The following FSTL5 variants were observed in gnomAD, a reference collection of about 807,000 sequenced individuals.
FSTL5 encodes the protein follistatin-related protein 5.
FSTL5 carries 62 observed loss-of-function variants against 89.1 expected under a neutral mutation model. That is an observed-to-expected ratio of 0.70 (90% CI 0.57 to 0.86). The LOEUF is 0.86. Among genes scored for constraint, FSTL5 ranks in the 40% least tolerant of loss-of-function variants. The pLI is 0.00. For synonymous variants in FSTL5, 383 were observed against 346.2 expected (o/e 1.11, Z -1.18); for missense variants, 1,057 against 1,001.6 (o/e 1.06, Z -0.75).
chr4:161,671,168 T>G (rs909072485), intron 6 of FSTL5, among the ~76,000 whole-genome samples: 1 of 152,222 alleles, frequency 6.6e-6, no homozygotes, highest in Non-Finnish European at 1.5e-5. Flanking sequence ...AGCTCCTTTT[T>G]TTACATTGTG....
intron 15 of FSTL5, among the ~76,000 whole-genome samples, chr4:161,443,867 A>G (rs1177975986): frequency 6.6e-6 from 1 of 151,996 alleles, no homozygotes; most frequent in Non-Finnish European, 1.5e-5. Flanking sequence ...TGGCTGGACC[A>G]TAAGATGTGT....
At chr4:162,142,443 G>A (rs1732786631) in intron 1 of FSTL5, among the ~76,000 whole-genome samples, 1 of 151,976 alleles carries the variant, frequency 6.6e-6, no homozygotes, top group Non-Finnish European at 1.5e-5. Context: ...TATATAGAGA[G>A]AAATTTGAGA....
intron 3 of FSTL5, among the ~76,000 whole-genome samples, chr4:162,014,812 T>C (rs1736868597): frequency 6.6e-6 from 1 of 152,176 alleles, no homozygotes; most frequent in Non-Finnish European, 1.5e-5. Context: ...AACTGCTATC[T>C]TTTTACATAG....
intron 6 of FSTL5, among the ~76,000 whole-genome samples, chr4:161,713,081 T>C (rs1272094000): frequency 1.3e-5 from 2 of 152,112 alleles, no homozygotes; most frequent in Admixed American, 1.3e-4. Flanking sequence ...ACAAAGTAAG[T>C]GTTCAGAGGT....
At chr4:161,841,234 G>A (rs1193229546) in intron 4 of FSTL5, among the ~76,000 whole-genome samples, 3 of 152,124 alleles carry the variant, frequency 2.0e-5, no homozygotes, top group East Asian at 1.9e-4. Context: ...GAATCTGATT[G>A]ATTCACCTCT....
At chr4:161,907,094 T>G (rs1733559300) in intron 4 of FSTL5, among the ~76,000 whole-genome samples, 1 of 152,142 alleles carries the variant, frequency 6.6e-6, no homozygotes, top group Non-Finnish European at 1.5e-5. Context: ...GCTATGTTAC[T>G]CAGGCATATT....
At chr4:161,738,260 C>T (rs575855467) in intron 6 of FSTL5, among the ~76,000 whole-genome samples, 112 of 152,134 alleles carry the variant, frequency 7.4e-4, no homozygotes, top group African/African-American at 2.3e-3. Context: ...AGTTCTTGTG[C>T]TCAGGAGTAG....
intron 6 of FSTL5, among the ~76,000 whole-genome samples, chr4:161,732,053 G>T (rs1739629133): frequency 6.7e-6 from 1 of 148,816 alleles, no homozygotes; most frequent in South Asian, 2.2e-4. Context: ...GAGTGGATTG[G>T]CTGTGTCATG....
intron 7 of FSTL5, among the ~76,000 whole-genome samples, chr4:161,635,051 T>C (rs1428910687): frequency 6.6e-6 from 1 of 152,094 alleles, no homozygotes; most frequent in Non-Finnish European, 1.5e-5. Context: ...AAAAAAATCT[T>C]GTAATTGAAA....
intron 7 of FSTL5, among the ~76,000 whole-genome samples, chr4:161,647,446 T>C (rs1428512675): frequency 6.6e-6 from 1 of 152,146 alleles, no homozygotes. Context: ...GTTTCTTCTT[T>C]TGCAGTGTTA....
At chr4:161,777,862 G>T (rs1413307111) in intron 4 of FSTL5, among the ~76,000 whole-genome samples, 8 of 152,132 alleles carry the variant, frequency 5.3e-5, no homozygotes, top group Admixed American at 5.2e-4. Flanking sequence ...GGAAGGCTGA[G>T]GCAGGGGAAT....
rs529076273 is a variant in FSTL5, at chr4:161,945,979, ATCT to A, written c.161-25330_161-25328del. Among the ~76,000 whole-genome samples the A allele has an allele frequency of 2.0e-3, 311 of 152,236 alleles. 1 individual carries two copies. Among genetic ancestry groups the A allele is most frequent in the African/African-American group, 7.1e-3 (294 of 41,554 alleles). ...AATTATAATTTAAATTTTCCTAATG[ATCT>A]TCTTCTGGTTCTGACCAACAATATT... On this transcript the variant is annotated intron_variant, in intron 3 of 15. Transcript: ENST00000306100.
intron 3 of FSTL5, among the ~76,000 whole-genome samples, chr4:162,012,919 C>T (rs1287234398): frequency 6.6e-6 from 1 of 151,992 alleles, no homozygotes; most frequent in Non-Finnish European, 1.5e-5. Context: ...CGTCGTGGCT[C>T]ACTCCTGTAG....
In FSTL5 at chr4:161,385,668, G is replaced by A. The variant is rs1258402850; in HGVS notation, c.*79C>T. 2.7e-6 allele frequency: 3 copies of A among 1,112,214 alleles called. No homozygotes were observed. Among genetic ancestry groups the A allele is most frequent in the South Asian group, 3.1e-5 (2 of 63,758 alleles). The allele number at this position is 1,112,214 out of a possible 1,614,324, so 68.9% of individuals were successfully genotyped here. On this transcript the variant is annotated 3_prime_UTR_variant, in exon 16 of 16. Coordinates refer to ENST00000306100, the MANE Select transcript of FSTL5 (RefSeq NM_020116.5). ...TTTGACTAGGATATAAACTTGGAAA[G>A]TTAAGTTGTAAATTTAAACAATGGA...
At chr4:161,953,580 T>C (rs1734954852) in intron 3 of FSTL5, among the ~76,000 whole-genome samples, 1 of 151,712 alleles carries the variant, frequency 6.6e-6, no homozygotes, top group Non-Finnish European at 1.5e-5. Flanking sequence ...AGAATTTGCA[T>C]ACTTCTTTTA....
chr4:162,073,152 T>C (rs150631093), intron 2 of FSTL5, among the ~76,000 whole-genome samples: 5 of 151,962 alleles, frequency 3.3e-5, no homozygotes, highest in Admixed American at 3.3e-4. Flanking sequence ...TCTACATATG[T>C]ATATAGACAC....
chr4:162,027,561 C>G (rs919499546), intron 3 of FSTL5, among the ~76,000 whole-genome samples: 2 of 151,998 alleles, frequency 1.3e-5, no homozygotes, highest in Non-Finnish European at 2.9e-5. Context: ...ATAAATCTCA[C>G]TCACATAAAG....
chr4:161,935,951 G>A (rs1348234403), intron 3 of FSTL5, among the ~76,000 whole-genome samples: 1 of 152,196 alleles, frequency 6.6e-6, no homozygotes, highest in Non-Finnish European at 1.5e-5. Context: ...AAGAGGCCAA[G>A]GCAGGAGTGT....
intron 3 of FSTL5, among the ~76,000 whole-genome samples, chr4:161,938,933 G>C (rs559541790): frequency 6.6e-6 from 1 of 151,750 alleles, no homozygotes; most frequent in Non-Finnish European, 1.5e-5. Context: ...ATGTTAATTA[G>C]CTTATTAATC....
Sources: allele counts gnomAD v4.1 joint callset (sites outside exome capture counted in the v4.1 genomes callset), GRCh38; gene constraint gnomAD v4.1.1; transcripts MANE v1.5; gene names NCBI Gene and HGNC (gene_info 2026-07-23, HGNC 2026-07-21).